The following SLC16A14 variants were observed in gnomAD, a reference collection of about 807,000 sequenced individuals.
SLC16A14 encodes the protein solute carrier family 16 member 14.
Under a neutral mutation model 35.8 loss-of-function variants are expected in SLC16A14, and 14 were observed. The observed-to-expected ratio is 0.39, with a 90% CI of 0.26 to 0.61. The LOEUF (loss-of-function observed/expected upper bound fraction) is 0.61, where lower values mean the gene tolerates loss of function less well. Ranked by LOEUF, SLC16A14 falls within the 20% of genes least tolerant of loss-of-function variation. The pLI, the probability that SLC16A14 is intolerant of heterozygous loss-of-function variation, is 0.51. For missense variants in SLC16A14, 533 were observed against 655.0 expected (o/e 0.81, Z 2.03); for synonymous variants, 248 against 258.9 (o/e 0.96, Z 0.40).
intron 1 of SLC16A14, among the ~76,000 whole-genome samples, chr2:230,064,398 C>CAAGAA (rs1424264304): frequency 1.2e-4 from 19 of 152,144 alleles, no homozygotes; most frequent in African/African-American, 4.6e-4. Flanking sequence ...AGGGATGGGG[C>CAAGAA]AGCCCTTGCT....
At chr2:230,040,985 C>G (rs2077556322) in intron 4 of SLC16A14, among the ~76,000 whole-genome samples, 1 of 152,168 alleles carries the variant, frequency 6.6e-6, no homozygotes, top group South Asian at 2.1e-4. Context: ...GGTTTGACCT[C>G]AGTTCTTGGA....
chr2:230,052,701 C>T (rs1341425989), intron 2 of SLC16A14, among the ~76,000 whole-genome samples: 3 of 151,976 alleles, frequency 2.0e-5, no homozygotes, highest in Non-Finnish European at 2.9e-5. Context: ...AAAAGTATAA[C>T]TATTTAACTG....
chr2:230,066,007 T>A (rs1267192847), intron 1 of SLC16A14, among the ~76,000 whole-genome samples: 1 of 151,940 alleles, frequency 6.6e-6, no homozygotes. Context: ...CTGCTAAGGA[T>A]TAATATGTAA....
At chr2:230,048,127 T>G (rs1261306896) in intron 3 of SLC16A14, among the ~76,000 whole-genome samples, 1 of 152,228 alleles carries the variant, frequency 6.6e-6, no homozygotes, top group Non-Finnish European at 1.5e-5. Context: ...TTAGCTAACA[T>G]TTACTGAGCA....
In SLC16A14 at chr2:230,049,896, T is replaced by C. The variant is rs777833147; in HGVS notation, c.268A>G (p.Ile90Val). 3.7e-6 allele frequency: 6 copies of C among 1,613,976 alleles called. No individual in the cohort carries two copies. In the Admixed American group the frequency reaches 5.0e-5, roughly 13 times the overall value. Residue 90 changes from isoleucine (I) to valine (V), a missense_variant, in exon 3 of 5, where the codon ATC becomes GTC. Transcript: ENST00000295190. ...MGITLIVGPFIGLFINTCGCR... is the reference protein window; with the variant it reads ...MGITLIVGPFVGLFINTCGCR... ...CCACAGGTGTTAATGAACAAGCCGA[T>C]GAAAGGGCCTGTCACAGAGCATTGG...
chr2:230,048,084 C>T (rs1054702740), intron 3 of SLC16A14, among the ~76,000 whole-genome samples: 10 of 152,196 alleles, frequency 6.6e-5, no homozygotes, highest in South Asian at 6.2e-4. Flanking sequence ...TACTTCAGCT[C>T]GTATGTTTTA....
intron 2 of SLC16A14, among the ~76,000 whole-genome samples, chr2:230,053,969 TAA>T (rs1299580854): frequency 9.2e-5 from 14 of 151,866 alleles, no homozygotes. Context: ...CTCACCATAG[TAA>T]AGAGTTAGGA....
intron 1 of SLC16A14, among the ~76,000 whole-genome samples, chr2:230,067,637 G>A (rs527600421): frequency 6.6e-6 from 1 of 151,728 alleles, no homozygotes; most frequent in South Asian, 2.1e-4. Flanking sequence ...AGGCAAAGGA[G>A]AATCTCTCTA....
rs2077823710 is a variant in SLC16A14 at position 230,068,576 on chromosome 2, CG to C, written c.-37del. On this transcript the variant is annotated 5_prime_UTR_variant, in exon 1 of 5. Coordinates refer to ENST00000295190, the MANE Select transcript of SLC16A14 (RefSeq NM_152527.5). The surrounding 1 kb of genome is among the most constrained non-coding windows in gnomAD (Gnocchi z 5.1). ...TCACCGCCCGAGGCCCGCTGGGCTG[CG>C]GCCTCACTCGGCTCCACGCCCGGAT... 6.5e-6 allele frequency: 1 copy of C among 152,800 alleles called. No individual in the cohort carries two copies. 9.5% of individuals were successfully genotyped at this position (152,800 alleles called of 1,614,324 possible).
intron 2 of SLC16A14, among the ~76,000 whole-genome samples, chr2:230,053,966 T>C (rs1306589434): frequency 1.3e-5 from 2 of 151,930 alleles, no homozygotes; most frequent in Non-Finnish European, 2.9e-5. Context: ...CCCCTCACCA[T>C]AGTAAAGAGT....
chr2:230,068,067 T>A lies in SLC16A14; in HGVS notation c.-15+488A>T, dbSNP rs2077816504. ...GGGCCGGCTGCAGCACCACAGCCTG[T>A]GCAGAGAGGCATCCGCACCCCGCGA... On this transcript the variant is annotated intron_variant, in intron 1 of 4. Coordinates refer to ENST00000295190, the MANE Select transcript of SLC16A14 (RefSeq NM_152527.5). The surrounding 1 kb of genome is among the most constrained non-coding windows in gnomAD (Gnocchi z 5.1). 1 of 152,508 alleles carries A rather than the reference T, an allele frequency of 6.6e-6. No homozygotes were observed. Among genetic ancestry groups the A allele is most frequent in the South Asian group, 2.1e-4 (1 of 4,842 alleles). 9.4% of individuals were successfully genotyped at this position (152,508 alleles called of 1,614,324 possible).
At chr2:230,058,598 C>A (rs568055014) in intron 2 of SLC16A14, among the ~76,000 whole-genome samples, 2 of 151,648 alleles carry the variant, frequency 1.3e-5, no homozygotes, top group Middle Eastern at 3.5e-3. Context: ...AAAATATGAG[C>A]GTACTTAATG....
At position 230,049,835 on chromosome 2, in the gene SLC16A14, T is replaced by C. The variant is rs779728886; in HGVS notation, c.329A>G (p.Asn110Ser). ...GGCACTCAACACCCAGCCCAGGGAG[T>C]TGACGAGCCCTCCAATGATCGCAGT... The part of the protein sequence containing the change: ...RQTAIIGGLV[N>S]SLGWVLSAYA... The change falls in exon 3 of 5, where the codon AAC becomes AGC. Residue 110 changes from asparagine to serine, a missense_variant. Coordinates refer to ENST00000295190, the MANE Select transcript of SLC16A14 (RefSeq NM_152527.5). 1.8e-5 allele frequency: 29 copies of C among 1,613,832 alleles called. No homozygotes were observed. Among genetic ancestry groups the C allele is most frequent in the African/African-American group, 8.0e-5 (6 of 74,796 alleles).
rs771100543 is a variant in SLC16A14, at chr2:230,046,284, C to T, written c.842G>A (p.Arg281Gln). The change falls in exon 4 of 5, where the codon CGG becomes CAG. Residue 281 changes from arginine (R) to glutamine (Q), a missense_variant. Physicochemically the swap from Arg to Gln is conservative, Grantham distance 43 (BLOSUM62 1). Coordinates refer to ENST00000295190, the MANE Select transcript of SLC16A14 (RefSeq NM_152527.5). The surrounding 1 kb of genome is among the most constrained non-coding windows in gnomAD (Gnocchi z 5.0). ...AGHRKNMCALRILKTVSWLTM... is the reference protein window; with the variant it reads ...AGHRKNMCALQILKTVSWLTM... ...GAGCCAGCTGACAGTCTTCAGAATC[C>T]GGAGGGCACACATGTTCTTCCTGTG... 4.3e-6 allele frequency: 7 copies of T among 1,614,062 alleles called. No homozygotes were observed. The highest frequency in any genetic ancestry group is 1.3e-5 in the African/African-American group (1 of 74,938).
chr2:230,054,996 C>CATTTGTAT lies in SLC16A14; in HGVS notation c.259+4090_259+4097dup, dbSNP rs572031708. On this transcript the variant is annotated intron_variant, in intron 2 of 4. Coordinates refer to ENST00000295190, the MANE Select transcript of SLC16A14 (RefSeq NM_152527.5). ...CTTACAATGATTAGAACGTAAAAAC[C>CATTTGTAT]ATTTGTATTATTCATTTCAAGTATG... is the stretch of plus-strand genomic sequence containing the variant. Among the ~76,000 whole-genome samples the CATTTGTAT allele has an allele frequency of 7.0e-3, 1,061 of 152,118 alleles. 5 individuals are homozygous for CATTTGTAT. The highest frequency in any genetic ancestry group is 0.013 in the African/African-American group (554 of 41,480).
chr2:230,036,334 CGA>C lies in SLC16A14; in HGVS notation c.*1044_*1045del, dbSNP rs1444785746. On this transcript the variant is annotated 3_prime_UTR_variant, in exon 5 of 5. Coordinates refer to ENST00000295190, the MANE Select transcript of SLC16A14 (RefSeq NM_152527.5). ...CAAATGAATGGTCTATATAACAACA[CGA>C]GAGTCTAGAGATGGGCTATTTGTTA... The C allele has an allele frequency of 1.3e-5, 2 of 152,248 alleles. No homozygotes were observed. The highest frequency in any genetic ancestry group is 2.1e-4 in the South Asian group (1 of 4,824). 9.4% of individuals were successfully genotyped at this position (152,248 alleles called of 1,614,324 possible). A position where few individuals can be genotyped will look rare whatever the true frequency, so the allele number is the denominator to read the frequency against.
chr2:230,035,600 T>C lies in SLC16A14; in HGVS notation c.*1780A>G, dbSNP rs1419041288. ...TATCAAAATAGAGAGCTGGATTCTT[T>C]AACAGCAGCCAAAGCTGTAATGATA... is the stretch of plus-strand genomic sequence containing the variant. On this transcript the variant is annotated 3_prime_UTR_variant, in exon 5 of 5. Coordinates refer to ENST00000295190, the MANE Select transcript of SLC16A14 (RefSeq NM_152527.5). The C allele has an allele frequency of 3.3e-5, 5 of 152,318 alleles. No homozygotes were observed. The highest frequency in any genetic ancestry group is 5.9e-5 in the Non-Finnish European group (4 of 68,024). The allele number at this position is 152,318 out of a possible 1,614,324, so 9.4% of individuals were successfully genotyped here.
intron 1 of SLC16A14, among the ~76,000 whole-genome samples, chr2:230,063,934 G>A (rs920704517): frequency 1.1e-4 from 17 of 151,992 alleles, no homozygotes; most frequent in South Asian, 4.2e-4. Context: ...CCTCATCTCC[G>A]TAAATAAAAA....
chr2:230,068,410 A>G lies in SLC16A14; in HGVS notation c.-15+145T>C, dbSNP rs2077821382. ...CAGTCTCGCCCTCCACCGCCCGGGC[A>G]GCCTTTCCCGAGCCTGCCTTGGGCT... On this transcript the variant is annotated intron_variant, in intron 1 of 4. Coordinates refer to ENST00000295190, the MANE Select transcript of SLC16A14 (RefSeq NM_152527.5). The surrounding 1 kb of genome is among the most constrained non-coding windows in gnomAD (Gnocchi z 5.1). The G allele has an allele frequency of 6.6e-6, 1 of 152,398 alleles. No individual in the cohort carries two copies. Among genetic ancestry groups the G allele is most frequent in the Non-Finnish European group, 1.5e-5 (1 of 68,154 alleles). The allele number at this position is 152,398 out of a possible 1,614,324, so 9.4% of individuals were successfully genotyped here. A position where few individuals can be genotyped will look rare whatever the true frequency, so the allele number is the denominator to read the frequency against.
Sources: gnomAD v4.1 joint callset for allele counts (sites outside exome capture counted in the v4.1 genomes callset) on GRCh38, gnomAD v4.1.1 for gene constraint, Gnocchi (gnomAD v3.1) non-coding constraint, MANE v1.5 for transcripts, NCBI Gene and HGNC (gene_info 2026-07-23, HGNC 2026-07-21) for gene names.